ZNF287: variants seen among roughly 807,000 people sequenced by gnomAD.
The protein encoded by ZNF287 is zinc finger protein with KRAB and SCAN domains 13.
A neutral mutation model predicts 73.7 loss-of-function variants in ZNF287; 31 were observed. That is an observed-to-expected ratio of 0.42 (90% CI 0.32 to 0.57). The LOEUF (loss-of-function observed/expected upper bound fraction) is 0.57, where lower values mean the gene tolerates loss of function less well. ZNF287 is among the 20% of genes least tolerant of loss of function. The pLI, the probability that ZNF287 is intolerant of heterozygous loss-of-function variation, is 0.13. For missense variants in ZNF287, 641 were observed against 909.3 expected (o/e 0.70, Z 3.79); for synonymous variants, 301 against 307.2 (o/e 0.98, Z 0.21).
rs892327728 is a variant in ZNF287, at chr17:16,550,006, T to C, written c.*1850A>G. On this transcript the variant is annotated 3_prime_UTR_variant, in exon 6 of 6. Transcript: ENST00000395825. ...CAACCATGTATTGACCATGCACTATTATGCAAGGGACTGGAGAAACAAGTA... is the reference window on the plus strand; with the variant it reads ...CAACCATGTATTGACCATGCACTATCATGCAAGGGACTGGAGAAACAAGTA... 6.6e-6 allele frequency among the ~76,000 whole-genome samples: 1 copy of C among 152,244 alleles called. No homozygotes were observed. Among genetic ancestry groups the C allele is most frequent in the Non-Finnish European group, 1.5e-5 (1 of 68,036 alleles).
chr17:16,556,165 G>GACAGACACACACACACAC (rs1907051879), intron 5 of ZNF287, among the ~76,000 whole-genome samples: 1 of 144,234 alleles, frequency 6.9e-6, no homozygotes, highest in African/African-American at 2.5e-5. Flanking sequence ...GACAGACACA[G>GACAGACACACACACACAC]ACACACACAC....
intron 4 of ZNF287, 94 bp downstream of exon 4, chr17:16,563,604 AT>A: frequency 7.2e-7 from 1 of 1,388,290 alleles, no homozygotes; most frequent in Non-Finnish European, 9.8e-7. Context: ...AAGAACATTT[AT>A]TTCTGGACCC....
At chr17:16,564,361 T>C (rs376674210) in intron 3 of ZNF287, among the ~76,000 whole-genome samples, 8 of 152,070 alleles carry the variant, frequency 5.3e-5, no homozygotes, top group African/African-American at 1.9e-4. Context: ...CCACCACATC[T>C]GGCTAATTTT....
rs894749003 is a variant in ZNF287, at chr17:16,547,582, G to T, written c.*4274C>A. Among the ~76,000 whole-genome samples, 8 of 152,230 alleles carry T rather than the reference G, an allele frequency of 5.3e-5. No individual in the cohort carries two copies. The highest frequency in any genetic ancestry group is 1.0e-4 in the Non-Finnish European group (7 of 68,042). ...TTAGGTAACTGATGGCATGAGTGAA[G>T]AGTTGTCTTTATGAAAACCAACTTG... On this transcript the variant is annotated 3_prime_UTR_variant, in exon 6 of 6. Coordinates refer to ENST00000395825, the MANE Select transcript of ZNF287 (RefSeq NM_020653.4).
rs1223789755 is a variant in ZNF287, at chr17:16,552,954, A to G, written c.1188T>C (p.Tyr396=). The G allele has an allele frequency of 1.9e-6, 3 of 1,614,192 alleles. No individual in the cohort carries two copies. Among genetic ancestry groups the G allele is most frequent in the African/African-American group, 1.3e-5 (1 of 75,058 alleles). The change falls in exon 6 of 6, where the codon TAT becomes TAC. Residue 396 remains tyrosine (Y), a synonymous_variant. Coordinates refer to ENST00000395825, the MANE Select transcript of ZNF287 (RefSeq NM_020653.4). The surrounding 1 kb of genome is among the most constrained non-coding windows in gnomAD (Gnocchi z 6.5). The part of the protein sequence containing the change: ...HQSTHAKEKS[Y]ECEECGKEFR... ...ACTCTTTCCCACATTCTTCACATTC[A>G]TACGATTTCTCTTTGGCATGGGTAC...
chr17:16,555,181 G>A (rs1906962181), intron 5 of ZNF287, among the ~76,000 whole-genome samples: 1 of 152,030 alleles, frequency 6.6e-6, no homozygotes, highest in African/African-American at 2.4e-5. Flanking sequence ...TGATATATAT[G>A]TATATATATT....
intron 5 of ZNF287, among the ~76,000 whole-genome samples, chr17:16,555,575 C>G (rs142392048): frequency 6.6e-6 from 1 of 151,518 alleles, no homozygotes; most frequent in Non-Finnish European, 1.5e-5. Flanking sequence ...AAAGCATACA[C>G]AGATGTGCAT....
intron 5 of ZNF287, among the ~76,000 whole-genome samples, chr17:16,553,664 T>G (rs1417839628): frequency 6.6e-6 from 1 of 152,146 alleles, no homozygotes; most frequent in African/African-American, 2.4e-5. Context: ...TAAAACAGAT[T>G]AAGTCAGGTG....
At position 16,547,943 on chromosome 17, in the gene ZNF287, C is replaced by T. The variant is rs1319082193; in HGVS notation, c.*3913G>A. Among the ~76,000 whole-genome samples the T allele has an allele frequency of 1.3e-5, 2 of 152,178 alleles. No homozygotes were observed. The highest frequency in any genetic ancestry group is 6.5e-5 in the Admixed American group (1 of 15,276). On this transcript the variant is annotated 3_prime_UTR_variant, in exon 6 of 6. Transcript: ENST00000395825. ...CATGTGTTATCACTGCAGATGAAAG[C>T]ATCAAACTCTTTACTGGTAATTAAA...
In ZNF287 at chr17:16,547,021, G is replaced by C. The variant is rs1353313351; in HGVS notation, c.*4835C>G. ...AAGGGGCTAATAATTATGAAAGATAGAGCCATGGGGAGAACAGAAACAGAG... is the reference window on the plus strand; with the variant it reads ...AAGGGGCTAATAATTATGAAAGATACAGCCATGGGGAGAACAGAAACAGAG... On this transcript the variant is annotated 3_prime_UTR_variant, in exon 6 of 6. Coordinates refer to ENST00000395825, the MANE Select transcript of ZNF287 (RefSeq NM_020653.4). Among the ~76,000 whole-genome samples the C allele has an allele frequency of 3.9e-5, 6 of 152,174 alleles. No individual in the cohort carries two copies. Among genetic ancestry groups the C allele is most frequent in the Admixed American group, 3.3e-4 (5 of 15,270 alleles).
At chr17:16,555,637 CACA>C (rs1569016186) in intron 5 of ZNF287, among the ~76,000 whole-genome samples, 84 of 151,306 alleles carry the variant, frequency 5.6e-4, no homozygotes, top group African/African-American at 1.9e-3. Flanking sequence ...CACACACACA[CACA>C]CCCCAAACCA....
At chr17:16,564,534 T>C (rs1469559158) in intron 3 of ZNF287, among the ~76,000 whole-genome samples, 1 of 152,112 alleles carries the variant, frequency 6.6e-6, no homozygotes, top group Non-Finnish European at 1.5e-5. Context: ...GATGACACAG[T>C]TGAATGGTTT....
At chr17:16,559,361 G>C (rs1465964939) in intron 5 of ZNF287, 4 of 152,102 alleles carry the variant, frequency 2.6e-5, no homozygotes, top group Non-Finnish European at 5.9e-5. Context: ...TTTCTAGACT[G>C]TTTGTTATAC....
intron 3 of ZNF287, among the ~76,000 whole-genome samples, chr17:16,564,987 T>C (rs1907663330): frequency 6.6e-6 from 1 of 151,994 alleles, no homozygotes; most frequent in Non-Finnish European, 1.5e-5. Flanking sequence ...CCCAAAGTGA[T>C]AGGATGACAG....
chr17:16,567,111 A>C lies in ZNF287; in HGVS notation c.403+218T>G, dbSNP rs1258916962. Among the ~76,000 whole-genome samples, 3 of 152,190 alleles carry C rather than the reference A, an allele frequency of 2.0e-5. No homozygotes were observed. In the East Asian group the frequency reaches 5.8e-4, roughly 29 times the overall value. On this transcript the variant is annotated intron_variant, in intron 2 of 5. Transcript: ENST00000395825. ...GTTTAGATAATGTGTGTTTGCTCCC[A>C]AGCAATCTGGAAGGAGAACACCATG...
In ZNF287 at chr17:16,551,621, T is replaced by G; in HGVS notation, c.*235A>C. The stretch of plus-strand genomic sequence containing the variant: ...ATGTTTTTGAATACCCTTCACAGGG[T>G]TTCTTTCTGTAATGAATTAAAATCA... On this transcript the variant is annotated 3_prime_UTR_variant, in exon 6 of 6. Coordinates refer to ENST00000395825, the MANE Select transcript of ZNF287 (RefSeq NM_020653.4). 2.2e-6 allele frequency: 1 copy of G among 454,218 alleles called. No homozygotes were observed. Among genetic ancestry groups the G allele is most frequent in the Non-Finnish European group, 3.8e-6 (1 of 260,016 alleles). 28.1% of individuals were successfully genotyped at this position (454,218 alleles called of 1,614,324 possible). A position where few individuals can be genotyped will look rare whatever the true frequency, so the allele number is the denominator to read the frequency against.
chr17:16,560,624 A>G (rs1907385323), intron 5 of ZNF287, among the ~76,000 whole-genome samples: 1 of 151,874 alleles, frequency 6.6e-6, no homozygotes, highest in Non-Finnish European at 1.5e-5. Flanking sequence ...CTGGGATTAC[A>G]AGCGCGAGCC....
Position 16,566,932 on chromosome 17 carries a change from T to C in ZNF287, c.404-310A>G, listed in dbSNP as rs143914667. Among the ~76,000 whole-genome samples, 1,069 of 152,352 alleles carry C rather than the reference T, an allele frequency of 7.0e-3. 16 individuals are homozygous for C. The highest frequency in any genetic ancestry group is 0.025 in the African/African-American group (1,039 of 41,592). On this transcript the variant is annotated intron_variant, in intron 2 of 5. Transcript: ENST00000395825. ...AAGGGAATGTTCTCTAGACCCTTTC[T>C]TCCTTTTTTGGAAGTATTTTATTGT...
chr17:16,565,201 T>C (rs1467445302), intron 3 of ZNF287, among the ~76,000 whole-genome samples: 3 of 151,684 alleles, frequency 2.0e-5, no homozygotes, highest in Non-Finnish European at 2.9e-5. Context: ...AAAAAATCTT[T>C]TCTTTTAAAT....
Sources: allele counts gnomAD v4.1 joint callset (sites outside exome capture counted in the v4.1 genomes callset), GRCh38; gene constraint gnomAD v4.1.1; non-coding constraint Gnocchi (gnomAD v3.1); transcripts MANE v1.5; gene names NCBI Gene and HGNC (gene_info 2026-07-23, HGNC 2026-07-21).